RGS20: variants seen among roughly 807,000 people sequenced by gnomAD.
RGS20 encodes the protein regulator of G protein signaling 20, also known as gz-selective GTPase-activating protein.
Under a neutral mutation model 33.6 loss-of-function variants are expected in RGS20, and 30 were observed. That is an observed-to-expected ratio of 0.89 (90% CI 0.67 to 1.21). The LOEUF (loss-of-function observed/expected upper bound fraction) is 1.21, where lower values mean the gene tolerates loss of function less well. Among genes scored for constraint, RGS20 ranks in the 50% most tolerant of loss-of-function variants. The pLI, the probability that RGS20 is intolerant of heterozygous loss-of-function variation, is 0.00. For synonymous variants in RGS20, 208 were observed against 197.9 expected (o/e 1.05, Z -0.43); for missense variants, 472 against 502.4 (o/e 0.94, Z 0.58).
In RGS20 at chr8:53,903,675, A is replaced by G. The variant is rs539914636; in HGVS notation, c.510+24073A>G. Among the ~76,000 whole-genome samples the G allele has an allele frequency of 2.6e-5, 4 of 151,952 alleles. No homozygotes were observed. The East Asian group carries it at 7.7e-4, about 29-fold the overall frequency. On this transcript the variant is annotated intron_variant, in intron 2 of 5. Coordinates refer to ENST00000297313, the MANE Select transcript of RGS20 (RefSeq NM_170587.4). ...TCTGTCCCTTGGCCTTGCCTACCCCACCTTTCACAATGAAAGGTATTTCCC... is the reference window on the plus strand; with the variant it reads ...TCTGTCCCTTGGCCTTGCCTACCCCGCCTTTCACAATGAAAGGTATTTCCC...
At chr8:53,946,824 T>G (rs1814495856) in intron 4 of RGS20, 76 bp downstream of exon 3, 10 of 1,240,396 alleles carry the variant, frequency 8.1e-6, no homozygotes, top group Middle Eastern at 3.8e-4. Flanking sequence ...CCTTGTATGT[T>G]TCAACAGAAC....
Position 53,861,428 on chromosome 8 carries a change from A to G in RGS20, c.165+9364A>G, listed in dbSNP as rs80030810. Among the ~76,000 whole-genome samples the G allele has an allele frequency of 6.5e-3, 987 of 152,376 alleles. 12 individuals are homozygous for G. The highest frequency in any genetic ancestry group is 0.023 in the African/African-American group (958 of 41,580). The stretch of plus-strand genomic sequence containing the variant: ...TACCTGTAAGTTATCAACAAAATAT[A>G]TAGATTGTGTGAAGTTACATAAAAA... On this transcript the variant is annotated intron_variant, in intron 1 of 5. Coordinates refer to ENST00000297313, the MANE Select transcript of RGS20 (RefSeq NM_170587.4).
At chr8:53,857,482 G>A (rs1016534622) in intron 1 of RGS20, among the ~76,000 whole-genome samples, 1 of 152,144 alleles carries the variant, frequency 6.6e-6, no homozygotes, top group African/African-American at 2.4e-5. Context: ...CAATCCATGT[G>A]ATATTAAGAA....
At chr8:53,884,132 A>G (rs1211322458) in intron 2 of RGS20, among the ~76,000 whole-genome samples, 3 of 151,782 alleles carry the variant, frequency 2.0e-5, no homozygotes, top group African/African-American at 7.3e-5. Context: ...ATATTTTTGT[A>G]TACTATAAAG....
intron 2 of RGS20, among the ~76,000 whole-genome samples, chr8:53,906,168 C>A (rs1314534035): frequency 6.6e-6 from 1 of 152,134 alleles, no homozygotes; most frequent in East Asian, 1.9e-4. Flanking sequence ...GTAATCCCAG[C>A]ATTTTGGGAG....
rs3083109 is a variant in RGS20, at chr8:53,867,658, T to TCTTCCTTCCTTC, written c.166-11564_166-11553dup. 9.9e-3 allele frequency among the ~76,000 whole-genome samples: 1,414 copies of TCTTCCTTCCTTC among 143,314 alleles called. 10 individuals carry two copies. Among genetic ancestry groups the TCTTCCTTCCTTC allele is most frequent in the African/African-American group, 9.8e-3 (373 of 38,250 alleles). The allele number at this position is 143,314 out of a possible 152,430, so 94.0% of individuals were successfully genotyped here. ...GTAAATCCAACCATTACGGAAGTAG[T>TCTTCCTTCCTTC]CTTCCTTCCTTCCTTCCTTCCTTCC... On this transcript the variant is annotated intron_variant, in intron 1 of 5. Transcript: ENST00000297313.
intron 2 of RGS20, among the ~76,000 whole-genome samples, chr8:53,907,181 C>T (rs545380997): frequency 6.6e-6 from 1 of 152,250 alleles, no homozygotes; most frequent in South Asian, 2.1e-4. Flanking sequence ...TCCCATTCTT[C>T]CTTATCTCAG....
intron 3 of RGS20, among the ~76,000 whole-genome samples, chr8:53,944,701 T>C (rs1353592427): frequency 1.3e-5 from 2 of 152,132 alleles, no homozygotes; most frequent in African/African-American, 4.8e-5. Flanking sequence ...AAGAAGGATA[T>C]AAAATTATCA....
At chr8:53,879,669 T>G in intron 2 of RGS20, 1 of 1,298,598 alleles carries the variant, frequency 7.7e-7, no homozygotes, top group Non-Finnish European at 1.0e-6. Context: ...CTCCCGATTC[T>G]TCCTAACCCC....
intron 2 of RGS20, among the ~76,000 whole-genome samples, chr8:53,917,999 G>A (rs1449433923): frequency 6.6e-6 from 1 of 151,966 alleles, no homozygotes; most frequent in Non-Finnish European, 1.5e-5. Context: ...TGGACTTCGG[G>A]GTCTTGATTC....
intron 2 of RGS20, chr8:53,879,781 G>A (rs1229158683): frequency 2.0e-6 from 1 of 499,208 alleles, no homozygotes; most frequent in Non-Finnish European, 3.4e-6. Context: ...GGCGGCTCCC[G>A]GGACACCGCC....
intron 2 of RGS20, among the ~76,000 whole-genome samples, chr8:53,912,352 ATTTT>A (rs58889086): frequency 1.5e-5 from 2 of 137,198 alleles, no homozygotes; most frequent in African/African-American, 5.4e-5. Flanking sequence ...GTTAATCTTG[ATTTT>A]TTTTTTTTTT....
At position 53,879,505 on chromosome 8, in the gene RGS20, C is replaced by T; in HGVS notation, c.413C>T (p.Pro138Leu). Residue 138 changes from proline to leucine, a missense_variant, in exon 2 of 6, where the codon CCC (proline) becomes CTC (leucine). Around this residue, in one of 3 missense-constraint regions of RGS20, gnomAD observed 319 missense variants for 283.4 expected, o/e 1.13. Transcript: ENST00000297313. Reference sequence around the variant, plus strand: ...CTGCTCGGGGCGGCGCTGGCACTGCCCGGCCGACCCTCGGGGGGTCGTCCG... The same window carrying T: ...CTGCTCGGGGCGGCGCTGGCACTGCTCGGCCGACCCTCGGGGGGTCGTCCG... The T allele has an allele frequency of 6.5e-7, 1 of 1,550,042 alleles. No individual in the cohort carries two copies. Among genetic ancestry groups the T allele is most frequent in the Non-Finnish European group, 8.7e-7 (1 of 1,150,010 alleles).
chr8:53,923,594 CA>C (rs77188328), intron 2 of RGS20, among the ~76,000 whole-genome samples: 78 of 137,486 alleles, frequency 5.7e-4, no homozygotes, highest in South Asian at 1.1e-3. Flanking sequence ...GACTCTGTCT[CA>C]AAAAAAAAAA....
chr8:53,957,293 G>GT (rs1189747294), intron 5 of RGS20, among the ~76,000 whole-genome samples: 2 of 152,090 alleles, frequency 1.3e-5, no homozygotes, highest in Non-Finnish European at 2.9e-5. Flanking sequence ...TGCCCAGCTA[G>GT]TATTTTTTAT....
chr8:53,948,275 GTATA>G (rs1321395341), intron 4 of RGS20, among the ~76,000 whole-genome samples: 1 of 137,656 alleles, frequency 7.3e-6, no homozygotes, highest in Non-Finnish European at 1.5e-5. Flanking sequence ...GTAAGTTATA[GTATA>G]TATATTTATA....
intron 1 of RGS20, among the ~76,000 whole-genome samples, chr8:53,861,295 A>C (rs770670231): frequency 2.0e-5 from 3 of 152,206 alleles, no homozygotes; most frequent in Non-Finnish European, 2.9e-5. Flanking sequence ...CTCAGCCCCT[A>C]GGGGACACAA....
intron 2 of RGS20, 34 bp downstream of exon 1, chr8:53,881,118 C>A (rs191315948): frequency 6.9e-7 from 1 of 1,448,498 alleles, no homozygotes. Flanking sequence ...TCTCTTTCTT[C>A]GTCTCGGGCT....
chr8:53,933,895 C>T (rs901304187), intron 2 of RGS20, among the ~76,000 whole-genome samples: 4 of 152,198 alleles, frequency 2.6e-5, no homozygotes, highest in Non-Finnish European at 4.4e-5. Flanking sequence ...GCCCATCAGA[C>T]TAACAGCACA....
Sources: allele counts gnomAD v4.1 joint callset (sites outside exome capture counted in the v4.1 genomes callset), GRCh38; gene constraint gnomAD v4.1.1; regional missense constraint gnomAD v4.1.1; transcripts MANE v1.5; gene names NCBI Gene and HGNC (gene_info 2026-07-23, HGNC 2026-07-21).